Variants in DPP10 observed in about 807,000 individuals in gnomAD.
The protein encoded by DPP10 is inactive dipeptidyl peptidase 10.
Under a neutral mutation model 120.9 loss-of-function variants are expected in DPP10, and 33 were observed. The ratio of observed to expected loss-of-function variants is 0.27; its 90% confidence interval spans 0.21 to 0.37. The LOEUF is 0.37. Ranked by LOEUF, DPP10 falls within the 10% of genes least tolerant of loss-of-function variation. The probability of loss-of-function intolerance (pLI) is 1.00; values close to 1 mark genes in which losing one functional copy is unlikely to be tolerated. For synonymous variants in DPP10, 337 were observed against 326.1 expected (o/e 1.03, Z -0.36); for missense variants, 816 against 942.8 (o/e 0.87, Z 1.76).
intron 1 of DPP10, among the ~76,000 whole-genome samples, chr2:114,526,648 A>G (rs1256055538): frequency 6.6e-6 from 1 of 152,122 alleles, no homozygotes; most frequent in East Asian, 1.9e-4. Flanking sequence ...GTGCCTGGTG[A>G]GAACCTGCTT....
chr2:114,795,637 C>T (rs185463743), intron 1 of DPP10, among the ~76,000 whole-genome samples: 128 of 152,104 alleles, frequency 8.4e-4, no homozygotes, highest in African/African-American at 2.8e-3. Context: ...CCCACCTATA[C>T]GCAGATTTTT....
intron 1 of DPP10, among the ~76,000 whole-genome samples, chr2:114,725,173 C>T (rs1477908009): frequency 6.6e-6 from 1 of 152,150 alleles, no homozygotes; most frequent in Non-Finnish European, 1.5e-5. Flanking sequence ...CAGCCATTGT[C>T]CTCACTTTGG....
intron 1 of DPP10, among the ~76,000 whole-genome samples, chr2:114,526,462 GA>G (rs1685506944): frequency 6.6e-6 from 1 of 152,094 alleles, no homozygotes; most frequent in Admixed American, 6.6e-5. Flanking sequence ...AAACAATCTG[GA>G]AAAGGTATGG....
intron 1 of DPP10, among the ~76,000 whole-genome samples, chr2:114,555,941 T>G (rs1328408752): frequency 6.6e-6 from 1 of 151,986 alleles, no homozygotes; most frequent in Non-Finnish European, 1.5e-5. Flanking sequence ...CAGGAAGGCA[T>G]GGATGGGAAG....
At chr2:115,108,645 C>G (rs1025951735) in intron 1 of DPP10, among the ~76,000 whole-genome samples, 6 of 151,894 alleles carry the variant, frequency 4.0e-5, no homozygotes, top group African/African-American at 1.5e-4. Context: ...TAACCAAAGT[C>G]TGAAAAAAAA....
chr2:114,930,374 T>C (rs1428188029), intron 1 of DPP10, among the ~76,000 whole-genome samples: 1 of 152,214 alleles, frequency 6.6e-6, no homozygotes, highest in African/African-American at 2.4e-5. Context: ...AAAGCAGCCA[T>C]GTCACTTCTT....
At chr2:114,608,985 G>A (rs969995310) in intron 1 of DPP10, among the ~76,000 whole-genome samples, 3 of 152,026 alleles carry the variant, frequency 2.0e-5, no homozygotes, top group African/African-American at 7.2e-5. Flanking sequence ...TTAAATCACA[G>A]CATCACGCAA....
intron 16 of DPP10, among the ~76,000 whole-genome samples, chr2:115,781,599 A>T (rs1380787658): frequency 6.6e-6 from 1 of 151,964 alleles, no homozygotes; most frequent in Non-Finnish European, 1.5e-5. Context: ...GTGTCCTCTT[A>T]TAATATGAAG....
intron 1 of DPP10, among the ~76,000 whole-genome samples, chr2:114,836,583 G>A (rs1687757612): frequency 6.6e-6 from 1 of 152,192 alleles, no homozygotes; most frequent in Non-Finnish European, 1.5e-5. Flanking sequence ...CGAGATCACA[G>A]GACCACAGGA....
intron 3 of DPP10, among the ~76,000 whole-genome samples, chr2:115,408,072 A>G (rs758337479): frequency 5.7e-4 from 87 of 151,742 alleles, no homozygotes; most frequent in Non-Finnish European, 1.1e-3. Context: ...CCATTCTTGT[A>G]TCTCCCAGTC....
rs901381858 is a variant in DPP10, at chr2:115,381,805, C to G, written c.271+37893C>G. Among the ~76,000 whole-genome samples, 5 of 151,214 alleles carry G rather than the reference C, an allele frequency of 3.3e-5. No individual in the cohort carries two copies. The Admixed American group carries it at 3.3e-4, about 10-fold the overall frequency. On this transcript the variant is annotated intron_variant, in intron 3 of 25. Transcript: ENST00000410059. ...CCTCAGCTGCAGGTCTGTTGGAGTA[C>G]CCGGCCCTGTGAAGTGTCAGTCTGC...
chr2:115,813,318 T>A (rs1321343266), intron 19 of DPP10, among the ~76,000 whole-genome samples: 2 of 152,110 alleles, frequency 1.3e-5, no homozygotes, highest in African/African-American at 4.8e-5. Context: ...GCCAGCAGGA[T>A]TGGTTATTTC....
Position 115,499,578 on chromosome 2 carries a change from A to G in DPP10, c.340A>G (p.Thr114Ala), listed in dbSNP as rs1480003165. ...ACTGAATATAGAAACAAATGCTACC[A>G]CATTATTATTGGAAAACACAACTTT... The part of the protein sequence containing the change: ...IKLNIETNAT[T>A]LLLENTTFVT... Residue 114 changes from threonine (T) to alanine (A), a missense_variant, in exon 4 of 26, where the codon ACA (threonine) becomes GCA (alanine). Physicochemically the swap from Thr to Ala is moderately conservative, Grantham distance 58 (BLOSUM62 0). This residue lies in a region of DPP10 where 182 missense variants were observed against 207.4 expected (regional missense o/e 0.88). Coordinates refer to ENST00000410059, the MANE Select transcript of DPP10 (RefSeq NM_020868.6). The G allele has an allele frequency of 6.2e-7, 1 of 1,611,442 alleles. No individual in the cohort carries two copies. The highest frequency in any genetic ancestry group is 1.3e-5 in the African/African-American group (1 of 74,784).
chr2:115,161,065 G>A (rs975938206), intron 1 of DPP10: 5 of 152,294 alleles, frequency 3.3e-5, no homozygotes, highest in East Asian at 1.9e-4. Context: ...GAGTATCAGA[G>A]TCTTATCATC....
chr2:115,266,070 T>G (rs1206998783), intron 1 of DPP10, among the ~76,000 whole-genome samples: 1 of 152,116 alleles, frequency 6.6e-6, no homozygotes, highest in Non-Finnish European at 1.5e-5. Flanking sequence ...CAAAATATAT[T>G]AACATGAGGA....
intron 1 of DPP10, among the ~76,000 whole-genome samples, chr2:114,628,702 C>T (rs776284072): frequency 7.2e-5 from 11 of 152,042 alleles, no homozygotes; most frequent in African/African-American, 1.9e-4. Flanking sequence ...AGTATCTGAA[C>T]GGCGGGGGAA....
chr2:114,951,697 C>T (rs1253085840), intron 1 of DPP10, among the ~76,000 whole-genome samples: 1 of 152,024 alleles, frequency 6.6e-6, no homozygotes, highest in Non-Finnish European at 1.5e-5. Context: ...CTTATCTGGT[C>T]TTTCTTATCT....
chr2:114,681,502 G>T (rs1233624178), intron 1 of DPP10, among the ~76,000 whole-genome samples: 2 of 151,922 alleles, frequency 1.3e-5, no homozygotes, highest in Non-Finnish European at 2.9e-5. Flanking sequence ...AAAAAGAATT[G>T]ACTTTGTGTT....
chr2:114,504,423 C>T (rs149327042), intron 1 of DPP10, among the ~76,000 whole-genome samples: 1,827 of 152,174 alleles, frequency 0.012, 35 homozygotes, highest in African/African-American at 0.042. Context: ...TGTTAACTTC[C>T]TGCCCCTCCT....
Sources: allele counts gnomAD v4.1 joint callset (sites outside exome capture counted in the v4.1 genomes callset), GRCh38; gene constraint gnomAD v4.1.1; regional missense constraint gnomAD v4.1.1; transcripts MANE v1.5; gene names NCBI Gene and HGNC (gene_info 2026-07-23, HGNC 2026-07-21).